Variants in DPRX observed in about 807,000 individuals in gnomAD.
The protein encoded by DPRX is divergent paired-related homeobox.
A neutral mutation model predicts 8.4 loss-of-function variants in DPRX; 11 were observed. The observed-to-expected ratio is 1.31, with a 90% confidence interval of 0.82 to 2.17. The LOEUF is 2.17. Ranked by LOEUF, DPRX falls within the 30% of genes most tolerant of loss-of-function variation. The pLI is 0.00. For synonymous variants in DPRX, 72 were observed against 87.0 expected (o/e 0.83, Z 0.96); for missense variants, 211 against 236.7 (o/e 0.89, Z 0.71).
the DPRX span, among the ~76,000 whole-genome samples, chr19:53,609,466 CAAAAAAAAAAAAAAAAAA>C: frequency 1.6e-4 from 9 of 55,490 alleles, no homozygotes; most frequent in Non-Finnish European, 2.8e-4. Context: ...GACTCGGTCT[CAAAAAAAAAAAAAAAAAA>C]AAAAAAAAAA....
chr19:53,622,962 A>C, the DPRX span, among the ~76,000 whole-genome samples: 16,663 of 152,016 alleles, frequency 0.11, 1,046 homozygotes, highest in Middle Eastern at 0.18. Flanking sequence ...CAGCACCCCA[A>C]ACCCATGGGA....
chr19:53,601,781 T>C, the DPRX span, among the ~76,000 whole-genome samples: 1 of 151,986 alleles, frequency 6.6e-6, no homozygotes, highest in Non-Finnish European at 1.5e-5. Flanking sequence ...CTCACCTGGC[T>C]CAATGCCTGT....
intron 1 of DPRX, among the ~76,000 whole-genome samples, chr19:53,633,225 T>C (rs1364286543): frequency 6.6e-6 from 1 of 151,682 alleles, no homozygotes; most frequent in Non-Finnish European, 1.5e-5. Context: ...CCTGGGGAGG[T>C]TGAGGCTGAA....
the DPRX span, chr19:53,606,790 AC>A: frequency 6.6e-6 from 1 of 152,242 alleles, no homozygotes; most frequent in African/African-American, 2.4e-5. The surrounding 1 kb of genome is among the most constrained non-coding windows in gnomAD (Gnocchi z 4.8). Context: ...GGACAGGTAT[AC>A]GCACTGGGCC....
the DPRX span, among the ~76,000 whole-genome samples, chr19:53,623,482 T>C: frequency 1.7e-4 from 26 of 150,586 alleles, no homozygotes; most frequent in Non-Finnish European, 3.2e-4. Flanking sequence ...CTACTAAAAA[T>C]ACAAAATTAG....
upstream of DPRX, chr19:53,629,988 CCT>C: frequency 6.6e-6 from 1 of 151,882 alleles, no homozygotes; most frequent in Middle Eastern, 3.2e-3. Flanking sequence ...AGATGGATCA[CCT>C]GAGGTCAGGA....
chr19:53,636,388 A>T (rs35086469), intron 2 of DPRX, among the ~76,000 whole-genome samples: 49,422 of 148,924 alleles, frequency 0.33, 8,436 homozygotes, highest in East Asian at 0.43. Flanking sequence ...AAATAAAATA[A>T]AAATAAATAA....
intron 1 of DPRX, among the ~76,000 whole-genome samples, chr19:53,633,755 G>A (rs190899920): frequency 8.3e-4 from 126 of 152,154 alleles, no homozygotes; most frequent in Admixed American, 1.7e-3. Context: ...TGATCCGCCC[G>A]CCTTGGCCTC....
chr19:53,622,603 G>A, the DPRX span, among the ~76,000 whole-genome samples: 1 of 152,224 alleles, frequency 6.6e-6, no homozygotes, highest in Middle Eastern at 3.4e-3. Flanking sequence ...TGCCCAATAT[G>A]CAGCAGCAAC....
At chr19:53,617,989 T>G in the DPRX span, among the ~76,000 whole-genome samples, 2 of 151,618 alleles carry the variant, frequency 1.3e-5, no homozygotes, top group Non-Finnish European at 1.5e-5. Context: ...AATACAAAAA[T>G]TAGCCGGGCG....
chr19:53,602,267 G>GGTGGGTGTGT, the DPRX span: 11 of 277,306 alleles, frequency 4.0e-5, no homozygotes, highest in East Asian at 1.1e-3. Flanking sequence ...TATGGGTATG[G>GGTGGGTGTGT]GTGTGTGTGT....
chr19:53,608,223 AAAATT>A, the DPRX span: 1 of 115,044 alleles, frequency 8.7e-6, no homozygotes, highest in Non-Finnish European at 1.7e-5. Flanking sequence ...AATTAAAATT[AAAATT>A]AAAAAATAAA....
chr19:53,605,526 C>T, the DPRX span, among the ~76,000 whole-genome samples: 1 of 152,090 alleles, frequency 6.6e-6, no homozygotes, highest in African/African-American at 2.4e-5. Flanking sequence ...ATCTCAGGGT[C>T]TGGCTATGTT....
chr19:53,616,145 G>C, the DPRX span, among the ~76,000 whole-genome samples: 3 of 151,930 alleles, frequency 2.0e-5, no homozygotes, highest in Non-Finnish European at 4.4e-5. Flanking sequence ...CCAGCTATTC[G>C]GGAGGCTGAG....
chr19:53,628,978 G>A (rs1179836144), upstream of DPRX, among the ~76,000 whole-genome samples: 1 of 151,934 alleles, frequency 6.6e-6, no homozygotes, highest in Non-Finnish European at 1.5e-5. Context: ...ACAAATGAAT[G>A]GATTAAACAA....
the DPRX span, among the ~76,000 whole-genome samples, chr19:53,618,129 C>T: frequency 4.2e-5 from 6 of 141,326 alleles, no homozygotes; most frequent in East Asian, 2.0e-4. Flanking sequence ...GGCGACAGAG[C>T]GAGACTCTGT....
chr19:53,613,304 T>C, the DPRX span, among the ~76,000 whole-genome samples: 1 of 151,842 alleles, frequency 6.6e-6, no homozygotes, highest in South Asian at 2.1e-4. Flanking sequence ...ACATATGGGG[T>C]CCAAGAGGAG....
the DPRX span, among the ~76,000 whole-genome samples, chr19:53,604,723 A>T: frequency 1.3e-5 from 2 of 151,946 alleles, no homozygotes; most frequent in Non-Finnish European, 2.9e-5. Context: ...CATGCCTGTA[A>T]TCCCAGCTAC....
upstream of DPRX, chr19:53,631,962 G>A (rs183008864): frequency 5.1e-4 from 538 of 1,054,584 alleles, 3 homozygotes; most frequent in African/African-American, 7.5e-3. Context: ...AGGACCGAGG[G>A]ATCATATTGG....
Sources: gnomAD v4.1 joint callset for allele counts (sites outside exome capture counted in the v4.1 genomes callset) on GRCh38, gnomAD v4.1.1 for gene constraint, Gnocchi (gnomAD v3.1) non-coding constraint, MANE v1.5 for transcripts, NCBI Gene and HGNC (gene_info 2026-07-23, HGNC 2026-07-21) for gene names.